YEATS2: variants seen among roughly 807,000 people sequenced by gnomAD.
The protein encoded by YEATS2 is YEATS domain-containing protein 2.
A neutral mutation model predicts 163.2 loss-of-function variants in YEATS2; 77 were observed. The ratio of observed to expected loss-of-function variants is 0.47; its 90% CI spans 0.39 to 0.57. The LOEUF (loss-of-function observed/expected upper bound fraction) is 0.57. YEATS2 is among the 20% of genes least tolerant of loss of function. The probability of loss-of-function intolerance (pLI) is 0.00; values close to 1 mark genes in which losing one functional copy is unlikely to be tolerated. For missense variants in YEATS2, 1,549 were observed against 1,729.8 expected (o/e 0.90, Z 1.85); for synonymous variants, 631 against 645.1 (o/e 0.98, Z 0.33).
intron 1 of YEATS2, among the ~76,000 whole-genome samples, chr3:183,701,584 A>G (rs1234872427): frequency 6.6e-6 from 1 of 151,488 alleles, no homozygotes; most frequent in Non-Finnish European, 1.5e-5. Flanking sequence ...AGTAGAGACA[A>G]GGTCTCCCTA....
intron 1 of YEATS2, among the ~76,000 whole-genome samples, chr3:183,702,583 T>A (rs1290497531): frequency 2.0e-5 from 3 of 152,030 alleles, no homozygotes; most frequent in African/African-American, 7.2e-5. Flanking sequence ...ACGCCTATAA[T>A]CTCAGCACTT....
intron 30 of YEATS2, chr3:183,809,502 C>CGTT: frequency 5.3e-6 from 1 of 189,938 alleles, no homozygotes; most frequent in Non-Finnish European, 1.1e-5. Context: ...GAGGGCCAAG[C>CGTT]GTTGCATATA....
At chr3:183,803,432 G>A in intron 26 of YEATS2, 97 bp downstream of exon 26, 1 of 1,176,740 alleles carries the variant, frequency 8.5e-7, no homozygotes, top group Non-Finnish European at 1.2e-6. Context: ...AATATTTGAT[G>A]GCAGAATATT....
chr3:183,715,597 G>A (rs551917012), intron 2 of YEATS2, among the ~76,000 whole-genome samples: 1 of 152,206 alleles, frequency 6.6e-6, no homozygotes, highest in East Asian at 1.9e-4. Flanking sequence ...ATGGATTAAG[G>A]TTTTTAATTT....
intron 15 of YEATS2, among the ~76,000 whole-genome samples, chr3:183,767,759 C>T (rs1197282243): frequency 1.3e-5 from 2 of 151,634 alleles, no homozygotes; most frequent in African/African-American, 4.9e-5. Flanking sequence ...TCTAATGATC[C>T]GCCCACCTCG....
At chr3:183,707,678 A>ATTTTTTTTTTTT (rs1176429941) in intron 1 of YEATS2, among the ~76,000 whole-genome samples, 26 of 106,120 alleles carry the variant, frequency 2.5e-4, no homozygotes, top group East Asian at 2.1e-3. Flanking sequence ...TTCCCCACCT[A>ATTTTTTTTTTTT]TTTTTTTTTT....
intron 27 of YEATS2, 105 bp downstream of exon 27, chr3:183,804,293 T>C: frequency 7.3e-7 from 1 of 1,365,412 alleles, no homozygotes. Context: ...AACGAGAGCC[T>C]TTCCTACCTC....
intron 15 of YEATS2, among the ~76,000 whole-genome samples, chr3:183,762,558 T>G (rs928144547): frequency 1.3e-5 from 2 of 152,228 alleles, no homozygotes; most frequent in South Asian, 4.1e-4. Context: ...AGCTGACTCA[T>G]GGGCACAGCT....
At chr3:183,793,022 C>T in intron 21 of YEATS2, 2 of 735,024 alleles carry the variant, frequency 2.7e-6, no homozygotes, top group Non-Finnish European at 1.9e-6. Context: ...TTTCTATAAT[C>T]TGGTATAGAC....
chr3:183,803,249 A>G lies in YEATS2; in HGVS notation c.3503-7A>G, dbSNP rs758539490. ...TATTCAGGCTTTGCTGGGTGTGTGC[A>G]TTCTAGGTGAAGATGCCAGCTGCTT... is the stretch of plus-strand genomic sequence containing the variant. On this transcript the variant is annotated splice_region_variant and splice_polypyrimidine_tract_variant and intron_variant, in intron 25 of 30. Coordinates refer to ENST00000305135, the MANE Select transcript of YEATS2 (RefSeq NM_018023.5). 2 of 1,611,316 alleles carry G rather than the reference A, an allele frequency of 1.2e-6. No individual in the cohort carries two copies. Among genetic ancestry groups the G allele is most frequent in the Non-Finnish European group, 8.5e-7 (1 of 1,179,736 alleles).
intron 1 of YEATS2, among the ~76,000 whole-genome samples, 175 bp from the exon 2 acceptor site, chr3:183,714,969 T>C (rs1384941810): frequency 6.6e-6 from 1 of 152,084 alleles, no homozygotes; most frequent in Non-Finnish European, 1.5e-5. Context: ...AAAAGAAATA[T>C]GTATATGTGT....
At chr3:183,738,317 T>A (rs907393751) in intron 8 of YEATS2, among the ~76,000 whole-genome samples, 17 of 151,270 alleles carry the variant, frequency 1.1e-4, no homozygotes, top group African/African-American at 4.1e-4. Context: ...GAAAAAAGCA[T>A]GTTGAAAGCC....
chr3:183,704,710 A>G (rs1271963230), intron 1 of YEATS2, among the ~76,000 whole-genome samples: 1 of 151,708 alleles, frequency 6.6e-6, no homozygotes, highest in Non-Finnish European at 1.5e-5. Flanking sequence ...GCTCACTGCA[A>G]CCTCCACTTC....
chr3:183,740,809 A>G (rs1718869759), intron 8 of YEATS2, among the ~76,000 whole-genome samples: 1 of 152,236 alleles, frequency 6.6e-6, no homozygotes, highest in South Asian at 2.1e-4. Context: ...ACATATTTTC[A>G]CTGTAGGTGA....
intron 8 of YEATS2, among the ~76,000 whole-genome samples, chr3:183,744,274 G>A (rs1220307474): frequency 6.6e-6 from 1 of 151,354 alleles, no homozygotes; most frequent in Admixed American, 6.6e-5. Flanking sequence ...CACCACGCAC[G>A]GCTAATTTTT....
At chr3:183,792,697 C>A (rs1724776650) in intron 21 of YEATS2, among the ~76,000 whole-genome samples, 1 of 151,956 alleles carries the variant, frequency 6.6e-6, no homozygotes, top group African/African-American at 2.4e-5. Context: ...TTTGTAGAGA[C>A]AGGTTTTTAC....
intron 9 of YEATS2, among the ~76,000 whole-genome samples, chr3:183,749,425 A>G (rs1197948734): frequency 6.6e-6 from 1 of 152,078 alleles, no homozygotes. Context: ...ACCCATTAAA[A>G]AATGACCACC....
At chr3:183,803,446 C>A in intron 26 of YEATS2, 111 bp downstream of exon 26, 1 of 1,095,322 alleles carries the variant, frequency 9.1e-7, no homozygotes, top group South Asian at 1.5e-5. Context: ...GAATATTTTC[C>A]TCAGTTAAAA....
intron 17 of YEATS2, among the ~76,000 whole-genome samples, chr3:183,774,336 T>G (rs1308120424): frequency 6.6e-6 from 1 of 152,132 alleles, no homozygotes; most frequent in Non-Finnish European, 1.5e-5. Flanking sequence ...TTGAGAACTG[T>G]GCATGCGAGG....
Sources: allele counts gnomAD v4.1 joint callset (sites outside exome capture counted in the v4.1 genomes callset), GRCh38; gene constraint gnomAD v4.1.1; transcripts MANE v1.5; gene names NCBI Gene and HGNC (gene_info 2026-07-23, HGNC 2026-07-21).